The following EI24 variants were observed in gnomAD, a reference collection of about 807,000 sequenced individuals.
EI24 encodes the protein etoposide-induced protein 2.4 homolog.
Under a neutral mutation model 48.6 loss-of-function variants are expected in EI24, and 21 were observed. The observed-to-expected ratio is 0.43, with a 90% CI of 0.31 to 0.62. The LOEUF is 0.62. Ranked by LOEUF, EI24 falls within the 20% of genes least tolerant of loss-of-function variation. EI24 has a pLI of 0.10. For synonymous variants in EI24, 114 were observed against 145.5 expected, an observed-to-expected ratio of 0.78 and a Z score of 1.56; for missense variants, 280 against 410.5, an observed-to-expected ratio of 0.68 and a Z score of 2.75.
intron 10 of EI24, among the ~76,000 whole-genome samples, chr11:125,582,627 C>T (rs758879754): frequency 2.0e-5 from 3 of 152,084 alleles, no homozygotes; most frequent in Admixed American, 6.6e-5. Flanking sequence ...TTTCCAAAAC[C>T]GATCCCATTA....
At chr11:125,578,610 C>T (rs1473835945) in intron 6 of EI24, among the ~76,000 whole-genome samples, 1 of 150,442 alleles carries the variant, frequency 6.6e-6, no homozygotes, top group Non-Finnish European at 1.5e-5. Flanking sequence ...GGACTACAGG[C>T]ACGTGCCACC....
intron 2 of EI24, chr11:125,574,630 A>AT (rs1938661592): frequency 6.6e-6 from 1 of 152,054 alleles, no homozygotes; most frequent in East Asian, 1.9e-4. Context: ...TTCCAGAATA[A>AT]TTTTTTCTGC....
intron 7 of EI24, among the ~76,000 whole-genome samples, chr11:125,579,394 A>T (rs974416276): frequency 5.3e-5 from 8 of 150,580 alleles, no homozygotes; most frequent in Non-Finnish European, 1.0e-4. Flanking sequence ...GGCTGGGCGC[A>T]GTAGTTCATG....
intron 6 of EI24, 80 bp from the exon 7 acceptor site, chr11:125,578,869 T>A: frequency 6.8e-7 from 1 of 1,473,948 alleles, no homozygotes; most frequent in South Asian, 1.3e-5. Flanking sequence ...GCAGCTCTAG[T>A]GGCGGACTAG....
At position 125,583,846 on chromosome 11, in the gene EI24, G is replaced by A. The variant is rs375102205; in HGVS notation, c.*163G>A. On this transcript the variant is annotated 3_prime_UTR_variant, in exon 11 of 11. Transcript: ENST00000278903. ...ATTGAAATTTTTGTCTCTGGTGCAC[G>A]TAAGGCAGAATGTTCCCTGACACCA... is the stretch of plus-strand genomic sequence containing the variant. 4.3e-5 allele frequency: 39 copies of A among 900,118 alleles called. No individual in the cohort carries two copies. Among genetic ancestry groups the A allele is most frequent in the East Asian group, 3.8e-4 (14 of 37,074 alleles). 55.8% of individuals were successfully genotyped at this position (900,118 alleles called of 1,614,324 possible).
At chr11:125,579,628 T>C (rs1192365594) in intron 7 of EI24, among the ~76,000 whole-genome samples, 1 of 152,084 alleles carries the variant, frequency 6.6e-6, no homozygotes, top group Non-Finnish European at 1.5e-5. Flanking sequence ...GATCGCGCCA[T>C]TGCACTCCAG....
rs201184433 is a variant in EI24 at position 125,583,599 on chromosome 11, G to A, written c.939G>A (p.Ser313=). ...TCCACAAGACAGTCTACCTGCAGTCGGCCCTGAGCAGCTCTACTTCTGCAG... is the reference window on the plus strand; with the variant it reads ...TCCACAAGACAGTCTACCTGCAGTCAGCCCTGAGCAGCTCTACTTCTGCAG... ...RLFHKTVYLQ[S]ALSSSTSAEK... is the part of the protein sequence containing the mutation. The change falls in exon 11 of 11, where the codon TCG becomes TCA. Residue 313 remains serine, a synonymous_variant. Transcript: ENST00000278903. 1.1e-5 allele frequency: 18 copies of A among 1,612,780 alleles called. No individual in the cohort carries two copies. Among genetic ancestry groups the A allele is most frequent in the African/African-American group, 5.3e-5 (4 of 74,808 alleles).
At position 125,578,116 on chromosome 11, in the gene EI24, C is replaced by T; in HGVS notation, c.317-17C>T. ...TTCCATTTCTCCATTTCTAGTAACTCGTTTCCTCTTTCTTAGGTGACCCAT... is the reference window on the plus strand; with the variant it reads ...TTCCATTTCTCCATTTCTAGTAACTTGTTTCCTCTTTCTTAGGTGACCCAT... On this transcript the variant is annotated splice_polypyrimidine_tract_variant and intron_variant, in intron 5 of 10. Transcript: ENST00000278903. 3.1e-6 allele frequency: 5 copies of T among 1,612,408 alleles called. No individual in the cohort carries two copies. Among genetic ancestry groups the T allele is most frequent in the Non-Finnish European group, 3.4e-6 (4 of 1,179,824 alleles).
chr11:125,582,324 TC>T, intron 9 of EI24, 21 bp from the exon 10 acceptor site: 3 of 1,446,776 alleles, frequency 2.1e-6, no homozygotes, highest in South Asian at 1.3e-5. Context: ...ACTAATTATT[TC>T]TTTTTTTTTT....
rs762073143 is a variant in EI24 at position 125,582,417 on chromosome 11, C to T, written c.857C>T (p.Ala286Val). ...SANEAKTPGK[A>V]YLFQLRLFSL... ...AATGAAGCAAAGACCCCTGGCAAAG[C>T]ATAGTAAGTATTAGCCAGTGATGAA... The change falls in exon 10 of 11, where the codon GCA (alanine) becomes GTA (valine). Residue 286 changes from alanine (A) to valine (V), a missense_variant. By Grantham distance (64) the Ala-to-Val change is moderately conservative. Around this residue, in one of 3 missense-constraint regions of EI24, gnomAD observed 62 missense variants for 65.1 expected, o/e 0.95. Transcript: ENST00000278903. 8 of 1,599,692 alleles carry T rather than the reference C, an allele frequency of 5.0e-6. No homozygotes were observed. The highest frequency in any genetic ancestry group is 2.2e-5 in the East Asian group (1 of 44,622).
Position 125,581,333 on chromosome 11 carries a change from T to C in EI24, c.785+11T>C. On this transcript the variant is annotated intron_variant, in intron 9 of 10. Coordinates refer to ENST00000278903, the MANE Select transcript of EI24 (RefSeq NM_004879.5). ...CTCATATATTATCAGGTAATTTGGCTACAGGGATTTGAAGGAGACTAGTAA... is the reference window on the plus strand; with the variant it reads ...CTCATATATTATCAGGTAATTTGGCCACAGGGATTTGAAGGAGACTAGTAA... 2 of 1,566,442 alleles carry C rather than the reference T, an allele frequency of 1.3e-6. No homozygotes were observed.
intron 7 of EI24, 100 bp from the exon 8 acceptor site, chr11:125,579,993 C>A: frequency 1.1e-6 from 1 of 940,678 alleles, no homozygotes; most frequent in Non-Finnish European, 1.7e-6. Flanking sequence ...ACTTGAGAAG[C>A]AGCTAGGAAG....
intron 10 of EI24, among the ~76,000 whole-genome samples, chr11:125,583,256 A>G (rs1939089578): frequency 6.6e-6 from 1 of 152,068 alleles, no homozygotes; most frequent in African/African-American, 2.4e-5. Context: ...GCATGCTACC[A>G]TGCCCTGCTA....
At chr11:125,579,768 G>T (rs1307491660) in intron 7 of EI24, among the ~76,000 whole-genome samples, 5 of 152,164 alleles carry the variant, frequency 3.3e-5, no homozygotes, top group African/African-American at 9.7e-5. Context: ...CTGGGCTCAA[G>T]CAATCCTCCT....
At chr11:125,573,679 CTT>C (rs61292979) in intron 2 of EI24, 18 of 93,230 alleles carry the variant, frequency 1.9e-4, no homozygotes, top group South Asian at 7.7e-4. Flanking sequence ...ATATGATCTC[CTT>C]TTTTTTTTTT....
intron 8 of EI24, 43 bp from the exon 9 acceptor site, chr11:125,581,168 A>G: frequency 3.6e-6 from 5 of 1,400,448 alleles, no homozygotes; most frequent in South Asian, 2.5e-5. Flanking sequence ...CACTTGACTA[A>G]AAGGAAATAT....
At chr11:125,575,643 T>TA (rs1448583614) in intron 3 of EI24, among the ~76,000 whole-genome samples, 3 of 152,228 alleles carry the variant, frequency 2.0e-5, no homozygotes, top group Non-Finnish European at 4.4e-5. Flanking sequence ...TTTGGTTTGA[T>TA]AGATACTTCT....
At chr11:125,573,679 C>CTTTTTTTTTTTTTTTTTT (rs61292979) in intron 2 of EI24, 2 of 93,208 alleles carry the variant, frequency 2.1e-5, no homozygotes, top group African/African-American at 4.3e-5. Context: ...ATATGATCTC[C>CTTTTTTTTTTTTTTTTTT]TTTTTTTTTT....
chr11:125,583,727 G>A lies in EI24; in HGVS notation c.*44G>A, dbSNP rs1314890547. ...GGGATGGGCGGGATTGGAAGAAGCT[G>A]TGGCAGCTCTTTTCCCTGTTCACCT... On this transcript the variant is annotated 3_prime_UTR_variant, in exon 11 of 11. Transcript: ENST00000278903. 1 of 1,590,228 alleles carries A rather than the reference G, an allele frequency of 6.3e-7. No homozygotes were observed.
Sources: allele counts gnomAD v4.1 joint callset (sites outside exome capture counted in the v4.1 genomes callset), GRCh38; gene constraint gnomAD v4.1.1; regional missense constraint gnomAD v4.1.1; transcripts MANE v1.5; gene names NCBI Gene and HGNC (gene_info 2026-07-23, HGNC 2026-07-21).